The following CYP4B1 variants were observed in gnomAD, a reference collection of about 807,000 sequenced individuals.
CYP4B1 encodes the protein cytochrome P450 4B1.
In CYP4B1, 45 loss-of-function variants were observed where a neutral mutation model predicts 54.0. That is an observed-to-expected ratio of 0.83 (90% CI 0.66 to 1.07). The LOEUF (loss-of-function observed/expected upper bound fraction) is 1.07. CYP4B1 is among the 50% of genes least tolerant of loss of function. The pLI is 0.00. For missense variants in CYP4B1, 656 were observed against 655.4 expected (o/e 1.00, Z -0.01); for synonymous variants, 248 against 247.5 (o/e 1.00, Z -0.02).
intron 8 of CYP4B1, 118 bp downstream of exon 8, chr1:46,815,382 A>G: frequency 2.3e-6 from 2 of 863,356 alleles, no homozygotes; most frequent in African/African-American, 1.8e-5. Flanking sequence ...TGTTACCCCC[A>G]GTGTCATACC....
At chr1:46,812,358 T>C (rs1216084602) in intron 3 of CYP4B1, 138 bp from the exon 4 acceptor site, 3 of 950,924 alleles carry the variant, frequency 3.2e-6, no homozygotes, top group Non-Finnish European at 4.9e-6. Flanking sequence ...GGTGAGGGCA[T>C]GGAGGGCAAT....
intron 1 of CYP4B1, among the ~76,000 whole-genome samples, chr1:46,804,897 T>C (rs1678797294): frequency 6.6e-6 from 1 of 152,192 alleles, no homozygotes; most frequent in Admixed American, 6.5e-5. Context: ...CCCCCATCCA[T>C]AGTGGCAGCC....
rs1274711215 is a variant in CYP4B1 at position 46,814,254 on chromosome 1, T to G, written c.821T>G (p.Val274Gly). 1 of 1,613,914 alleles carries G rather than the reference T, an allele frequency of 6.2e-7. No homozygotes were observed. Among genetic ancestry groups the G allele is most frequent in the African/African-American group, 1.3e-5 (1 of 74,862 alleles). The change falls in exon 7 of 12, where the codon GTG (valine) becomes GGG (glycine). Residue 274 changes from valine (V) to glycine (G), a missense_variant. Transcript: ENST00000371923. ...AAGGCAGCCCTGCAGGATGAGAAGG[T>G]GCGGAAGAAGATCCAGAACCGGAGG... The part of the protein sequence containing the change: ...ERKAALQDEK[V>G]RKKIQNRRHL...
intron 1 of CYP4B1, among the ~76,000 whole-genome samples, chr1:46,804,634 G>A (rs1678786848): frequency 6.6e-6 from 1 of 152,018 alleles, no homozygotes; most frequent in Non-Finnish European, 1.5e-5. Flanking sequence ...GGGAAACAGA[G>A]AGGCTGGGTG....
rs764241104 is a variant in CYP4B1 at position 46,818,176 on chromosome 1, C to G, written c.1318C>G (p.His440Asp). 1 of 1,614,148 alleles carries G rather than the reference C, an allele frequency of 6.2e-7. No individual in the cohort carries two copies. Among genetic ancestry groups the G allele is most frequent in the Admixed American group, 1.7e-5 (1 of 60,024 alleles). The change falls in exon 11 of 12, where the codon CAT becomes GAT. Residue 440 changes from histidine (H) to aspartate (D), a missense_variant. His to Asp is a moderately conservative substitution (Grantham distance 81). Coordinates refer to ENST00000371923, the MANE Select transcript of CYP4B1 (RefSeq NM_001099772.2). ...TTCCACTGAGAATGCATCCAAACGC[C>G]ATCCCTTTGCCTTTATGCCCTTCTC... ...RFSTENASKR[H>D]PFAFMPFSAG...
chr1:46,800,234 T>C (rs1241116076), intron 1 of CYP4B1, among the ~76,000 whole-genome samples: 6 of 43,662 alleles, frequency 1.4e-4, no homozygotes, highest in East Asian at 8.8e-4. Flanking sequence ...TCTTTCTTTC[T>C]TTCTTTCCTT....
Position 46,814,048 on chromosome 1 carries a change from G to A in CYP4B1, c.760G>A (p.Ala254Thr). ...CCGCTTCCTGCGGGCCTGCCAGGTG[G>A]CCCATGACCATACAGGTGGGCCTTT... Reference protein sequence around the residue: ...GRRFLRACQVAHDHTDQVIRE... With the variant: ...GRRFLRACQVTHDHTDQVIRE... Residue 254 changes from alanine (A) to threonine (T), a missense_variant, in exon 6 of 12, where the codon GCC (alanine) becomes ACC (threonine). Physicochemically the swap from Ala to Thr is moderately conservative, Grantham distance 58. Coordinates refer to ENST00000371923, the MANE Select transcript of CYP4B1 (RefSeq NM_001099772.2). 6.2e-7 allele frequency: 1 copy of A among 1,614,062 alleles called. No individual in the cohort carries two copies. Among genetic ancestry groups the A allele is most frequent in the Non-Finnish European group, 8.5e-7 (1 of 1,180,012 alleles).
At chr1:46,799,360 A>T in intron 1 of CYP4B1, 99 bp downstream of exon 1, 1 of 1,128,958 alleles carries the variant, frequency 8.9e-7, no homozygotes, top group Admixed American at 2.3e-5. Context: ...GAGACTTCAA[A>T]CTTGGGCAGG....
chr1:46,807,584 C>T (rs1678911748), intron 1 of CYP4B1, among the ~76,000 whole-genome samples: 1 of 152,206 alleles, frequency 6.6e-6, no homozygotes, highest in South Asian at 2.1e-4. Flanking sequence ...AAGAATGTTT[C>T]CCCTTGCCTG....
rs1358819342 is a variant in CYP4B1, at chr1:46,818,831, G to A, written c.*17G>A. 2.5e-6 allele frequency: 4 copies of A among 1,613,144 alleles called. No individual in the cohort carries two copies. The highest frequency in any genetic ancestry group is 1.3e-5 in the African/African-American group (1 of 75,000). On this transcript the variant is annotated 3_prime_UTR_variant, in exon 12 of 12. Transcript: ENST00000371923. ...GGGAAGTAGCTCTGATGAGAATGGGGTCCCAGATGGCTCAGGCTGTGACCT... is the reference window on the plus strand; with the variant it reads ...GGGAAGTAGCTCTGATGAGAATGGGATCCCAGATGGCTCAGGCTGTGACCT...
At position 46,818,533 on chromosome 1, in the gene CYP4B1, C is replaced by CA. The variant is rs974792226; in HGVS notation, c.1356-93dup. The CA allele has an allele frequency of 2.3e-6, 3 of 1,280,748 alleles. No individual in the cohort carries two copies. In the East Asian group the frequency reaches 7.0e-5, roughly 30 times the overall value. The allele number at this position is 1,280,748 out of a possible 1,614,324, so 79.3% of individuals were successfully genotyped here. On this transcript the variant is annotated intron_variant, in intron 11 of 11. Transcript: ENST00000371923. ...CCAATCTATCAGCCAGTTATTCATCCAAAAACAGTTATTGACTTTTGTTGG... is the reference window on the plus strand; with the variant it reads ...CCAATCTATCAGCCAGTTATTCATCCAAAAAACAGTTATTGACTTTTGTTGG...
At chr1:46,809,315 C>T (rs571356160) in intron 1 of CYP4B1, among the ~76,000 whole-genome samples, 19 of 152,306 alleles carry the variant, frequency 1.2e-4, no homozygotes, top group South Asian at 4.1e-4. Flanking sequence ...TGAGGCCCCA[C>T]CTCCAACATT....
At position 46,815,355 on chromosome 1, in the gene CYP4B1, G is replaced by A. The variant is rs12058654; in HGVS notation, c.1073+91G>A. ...CTGAACCATCCTGGAAATCAGGTGA[G>A]GTGGCGGCTGCTATCCTGTTACCCC... On this transcript the variant is annotated intron_variant, in intron 8 of 11. Transcript: ENST00000371923. The A allele has an allele frequency of 2.8e-3, 3,495 of 1,228,106 alleles. 74 individuals are homozygous for A. The African/African-American group carries it at 0.046, about 16-fold the overall frequency. 76.1% of individuals were successfully genotyped at this position (1,228,106 alleles called of 1,614,324 possible).
chr1:46,800,782 A>G (rs1218608394), intron 1 of CYP4B1, among the ~76,000 whole-genome samples: 1 of 152,122 alleles, frequency 6.6e-6, no homozygotes, highest in Non-Finnish European at 1.5e-5. Context: ...TCTTGCCCTG[A>G]CAGATAACCC....
intron 8 of CYP4B1, among the ~76,000 whole-genome samples, chr1:46,816,773 T>G (rs1387934104): frequency 2.0e-5 from 3 of 152,172 alleles, no homozygotes; most frequent in East Asian, 3.8e-4. Flanking sequence ...GACCTTGTCT[T>G]TGATGGCTGG....
chr1:46,811,322 A>T, intron 3 of CYP4B1, 138 bp downstream of exon 3: 1 of 861,352 alleles, frequency 1.2e-6, no homozygotes, highest in Non-Finnish European at 1.9e-6. Flanking sequence ...TCAGCTGCTC[A>T]GTGGAGAGAC....
At chr1:46,806,928 A>G (rs1678885280) in intron 1 of CYP4B1, 1 of 152,228 alleles carries the variant, frequency 6.6e-6, no homozygotes, top group South Asian at 2.1e-4. Flanking sequence ...CCAGGCAGTC[A>G]CGTGTACCCC....
intron 1 of CYP4B1, among the ~76,000 whole-genome samples, chr1:46,808,827 G>A (rs1360357151): frequency 4.0e-5 from 6 of 150,740 alleles, no homozygotes; most frequent in African/African-American, 1.5e-4. Flanking sequence ...TAGGGACATG[G>A]ATGAAATTGG....
chr1:46,800,776 G>T (rs1316964312), intron 1 of CYP4B1, among the ~76,000 whole-genome samples: 5 of 152,104 alleles, frequency 3.3e-5, no homozygotes, highest in Admixed American at 6.5e-5. Context: ...GCTTATTCTT[G>T]CCCTGACAGA....
Sources: gnomAD v4.1 joint callset for allele counts (sites outside exome capture counted in the v4.1 genomes callset) on GRCh38, gnomAD v4.1.1 for gene constraint, MANE v1.5 for transcripts, NCBI Gene and HGNC (gene_info 2026-07-23, HGNC 2026-07-21) for gene names.